The following CCDC181 variants were observed in gnomAD, a reference collection of about 807,000 sequenced individuals.
CCDC181 encodes the protein coiled-coil domain containing 181.
In CCDC181, 35 loss-of-function variants were observed where a neutral mutation model predicts 58.7. The observed-to-expected ratio is 0.60, with a 90% confidence interval of 0.46 to 0.79. The LOEUF (loss-of-function observed/expected upper bound fraction) is 0.79, where lower values mean the gene tolerates loss of function less well. CCDC181 is among the 30% of genes least tolerant of loss of function. CCDC181 has a pLI of 0.00. For synonymous variants in CCDC181, 183 were observed against 197.5 expected (o/e 0.93, Z 0.62); for missense variants, 517 against 583.9 (o/e 0.89, Z 1.18).
chr1:169,456,357 G>A (rs1447009317), intron 2 of CCDC181, among the ~76,000 whole-genome samples: 5 of 151,898 alleles, frequency 3.3e-5, no homozygotes, highest in East Asian at 1.9e-4. Flanking sequence ...TAAGTACCTC[G>A]CATAAGCCCA....
upstream of CCDC181, among the ~76,000 whole-genome samples, chr1:169,431,751 A>C (rs1656925400): frequency 6.6e-6 from 1 of 152,188 alleles, no homozygotes; most frequent in Non-Finnish European, 1.5e-5. Flanking sequence ...CATGAGAGTC[A>C]ATGAGCAGTA....
chr1:169,458,620 C>T (rs577188181), intron 2 of CCDC181, among the ~76,000 whole-genome samples: 27 of 152,128 alleles, frequency 1.8e-4, no homozygotes, highest in Admixed American at 7.2e-4. Flanking sequence ...TCTTTAGGTT[C>T]TTTTTCAAGT....
At chr1:169,406,862 C>G (rs983493133) in intron 4 of CCDC181, among the ~76,000 whole-genome samples, 2 of 151,528 alleles carry the variant, frequency 1.3e-5, no homozygotes, top group Non-Finnish European at 2.9e-5. Flanking sequence ...AACCTAAATT[C>G]CCTGAATGGG....
At chr1:169,408,060 T>TGA (rs1479826475) in intron 4 of CCDC181, among the ~76,000 whole-genome samples, 6 of 152,220 alleles carry the variant, frequency 3.9e-5, no homozygotes, top group Non-Finnish European at 5.9e-5. Context: ...GGAATGCCAG[T>TGA]GAGAGAGAAC....
At chr1:169,443,527 G>A (rs1472967375) in intron 2 of CCDC181, 1 of 152,102 alleles carries the variant, frequency 6.6e-6, no homozygotes. Context: ...AAAACCCTCT[G>A]TTTATAAGTG....
chr1:169,431,613 G>T (rs1035805129), upstream of CCDC181, among the ~76,000 whole-genome samples: 4 of 152,164 alleles, frequency 2.6e-5, no homozygotes, highest in African/African-American at 9.7e-5. Flanking sequence ...TCAAGGGAAG[G>T]CTTGGACAGA....
At chr1:169,434,243 G>C (rs1426991779) in intron 2 of CCDC181, among the ~76,000 whole-genome samples, 1 of 151,940 alleles carries the variant, frequency 6.6e-6, no homozygotes, top group Non-Finnish European at 1.5e-5. Context: ...ACCACTATGA[G>C]ATACCACCCT....
intron 4 of CCDC181, chr1:169,418,709 T>TG (rs1402450309): frequency 1.0e-4 from 39 of 382,010 alleles, no homozygotes; most frequent in African/African-American, 2.5e-4. Flanking sequence ...TAGGGTTTTG[T>TG]GGGGGGGTGT....
chr1:169,429,133 T>G (rs188138094), upstream of CCDC181, among the ~76,000 whole-genome samples: 1 of 152,324 alleles, frequency 6.6e-6, no homozygotes, highest in East Asian at 1.9e-4. Context: ...ATGCCACAAT[T>G]TCATTCCTTC....
intron 4 of CCDC181, among the ~76,000 whole-genome samples, chr1:169,411,239 A>G (rs1451712780): frequency 6.6e-6 from 1 of 152,222 alleles, no homozygotes; most frequent in Non-Finnish European, 1.5e-5. Flanking sequence ...AGAAACTACC[A>G]TCATATAATA....
chr1:169,405,172 G>A (rs1217442682), intron 4 of CCDC181, among the ~76,000 whole-genome samples: 1 of 152,130 alleles, frequency 6.6e-6, no homozygotes, highest in Admixed American at 6.5e-5. Flanking sequence ...ACAAACAAAT[G>A]GAAGAACATT....
At chr1:169,413,344 C>T (rs145688372) in intron 4 of CCDC181, among the ~76,000 whole-genome samples, 4,472 of 152,120 alleles carry the variant, frequency 0.029, 184 homozygotes, top group African/African-American at 0.1. Context: ...GTTAGAATGG[C>T]GATCATTAAA....
At chr1:169,435,468 G>A (rs1374818964) in intron 2 of CCDC181, among the ~76,000 whole-genome samples, 1 of 152,118 alleles carries the variant, frequency 6.6e-6, no homozygotes, top group Non-Finnish European at 1.5e-5. Flanking sequence ...AGTTGAACAT[G>A]TAAGAAAAAT....
In CCDC181 at chr1:169,424,874, G is replaced by A. The variant is rs1181000422; in HGVS notation, c.54C>T (p.Asp18=). ...DSKKSEEYED[D]FEKDLEWLIN... ...TTAACCACTCCAGGTCCTTTTCAAAGTCATCTTCGTATTCTTCACTTTTCT... is the reference window on the plus strand; with the variant it reads ...TTAACCACTCCAGGTCCTTTTCAAAATCATCTTCGTATTCTTCACTTTTCT... Residue 18 remains aspartate (D), a synonymous_variant, in exon 2 of 6, where the codon GAC becomes GAT. Coordinates refer to ENST00000367806, the MANE Select transcript of CCDC181 (RefSeq NM_001300969.2). The A allele has an allele frequency of 6.2e-7, 1 of 1,608,586 alleles. No homozygotes were observed.
intron 4 of CCDC181, among the ~76,000 whole-genome samples, chr1:169,417,518 T>C (rs1401680453): frequency 6.6e-6 from 1 of 152,130 alleles, no homozygotes; most frequent in African/African-American, 2.4e-5. Flanking sequence ...CAACACCACA[T>C]TTCCCATACC....
intron 2 of CCDC181, among the ~76,000 whole-genome samples, chr1:169,449,158 A>G (rs1033799402): frequency 6.6e-6 from 1 of 152,060 alleles, no homozygotes; most frequent in Non-Finnish European, 1.5e-5. Context: ...TTTGATTCTT[A>G]TGCTTGCTTT....
At position 169,445,798 on chromosome 1, in the gene CCDC181, A is replaced by C. The variant is rs1326952323; in HGVS notation, c.-24+13999T>G. Among the ~76,000 whole-genome samples the C allele has an allele frequency of 2.6e-5, 4 of 152,116 alleles. No individual in the cohort carries two copies. The East Asian group carries it at 7.7e-4, about 29-fold the overall frequency. On this transcript the variant is annotated intron_variant, in intron 2 of 6. Transcript: ENST00000545005. Reference sequence around the variant, plus strand: ...TCTTGGAAGGTTATTAATTAGTGACACTATTTTTTTTAATAGATATAGGTC... The same window carrying C: ...TCTTGGAAGGTTATTAATTAGTGACCCTATTTTTTTTAATAGATATAGGTC...
At chr1:169,401,438 T>G (rs1185445499) in intron 4 of CCDC181, among the ~76,000 whole-genome samples, 1 of 152,156 alleles carries the variant, frequency 6.6e-6, no homozygotes, top group East Asian at 1.9e-4. Context: ...CGGGTGCCCC[T>G]CTGAGACGAA....
intron 2 of CCDC181, among the ~76,000 whole-genome samples, chr1:169,458,175 G>GTTTTTTTT (rs369111049): frequency 1.3e-4 from 16 of 126,892 alleles, no homozygotes; most frequent in Non-Finnish European, 1.8e-4. Flanking sequence ...AGTAATTTTT[G>GTTTTTTTT]TTTTTTTTTT....
Sources: gnomAD v4.1 joint callset for allele counts (sites outside exome capture counted in the v4.1 genomes callset) on GRCh38, gnomAD v4.1.1 for gene constraint, MANE v1.5 for transcripts, NCBI Gene and HGNC (gene_info 2026-07-23, HGNC 2026-07-21) for gene names.